KCTD16: variants seen among roughly 807,000 people sequenced by gnomAD.
KCTD16 encodes BTB/POZ domain-containing protein KCTD16.
KCTD16 carries 13 observed loss-of-function variants against 33.2 expected under a neutral mutation model. The ratio of observed to expected loss-of-function variants is 0.39; its 90% CI spans 0.25 to 0.62. The LOEUF (loss-of-function observed/expected upper bound fraction) is 0.62, where lower values mean the gene tolerates loss of function less well. KCTD16 is among the 20% of genes least tolerant of loss of function. The pLI is 0.50. For synonymous variants in KCTD16, 197 were observed against 195.3 expected, an observed-to-expected ratio of 1.01 and a Z score of -0.07; for missense variants, 441 against 525.1, an observed-to-expected ratio of 0.84 and a Z score of 1.57.
rs769642596 is a variant in KCTD16 at position 144,212,720 on chromosome 5, G to A, written c.832+5174G>A. The stretch of plus-strand genomic sequence containing the variant: ...AGTTTCTGCATCATAACGCACTGTT[G>A]CTCTTTTTCTTTTGCCTCTGCGATG... On this transcript the variant is annotated intron_variant, in intron 3 of 3. Coordinates refer to ENST00000512467, the MANE Select transcript of KCTD16 (RefSeq NM_020768.4). 1.4e-4 allele frequency among the ~76,000 whole-genome samples: 21 copies of A among 152,248 alleles called. No homozygotes were observed. The East Asian group carries it at 4.1e-3, about 29-fold the overall frequency.
At chr5:144,348,825 A>G (rs1580892603) in intron 3 of KCTD16, among the ~76,000 whole-genome samples, 1 of 152,196 alleles carries the variant, frequency 6.6e-6, no homozygotes, top group East Asian at 1.9e-4. Context: ...CTAGTTCACC[A>G]TCCTGTTTAG....
chr5:144,456,485 G>A (rs759775864), intron 3 of KCTD16, among the ~76,000 whole-genome samples: 1 of 152,074 alleles, frequency 6.6e-6, no homozygotes, highest in African/African-American at 2.4e-5. Context: ...ACGCACACAG[G>A]GGGGTCAGGG....
At chr5:144,457,563 T>C (rs1024111421) in intron 3 of KCTD16, among the ~76,000 whole-genome samples, 2 of 151,868 alleles carry the variant, frequency 1.3e-5, no homozygotes, top group African/African-American at 4.8e-5. Context: ...AAACAGGGGG[T>C]GGAGGGAAAC....
At chr5:144,253,573 T>G (rs543094945) in intron 3 of KCTD16, among the ~76,000 whole-genome samples, 1 of 152,314 alleles carries the variant, frequency 6.6e-6, no homozygotes, top group African/African-American at 2.4e-5. Context: ...TCCCTCTTTT[T>G]TGGGGGTTCA....
intron 3 of KCTD16, among the ~76,000 whole-genome samples, chr5:144,335,256 G>A (rs984063193): frequency 4.6e-5 from 7 of 152,146 alleles, no homozygotes; most frequent in Admixed American, 3.9e-4. Flanking sequence ...AGCACCTACT[G>A]TGTACAGCAT....
At chr5:144,340,984 G>T (rs549479847) in intron 3 of KCTD16, among the ~76,000 whole-genome samples, 71 of 152,262 alleles carry the variant, frequency 4.7e-4, no homozygotes, top group African/African-American at 1.7e-3. Flanking sequence ...GGTAGAGGTT[G>T]CAGTGAGCCG....
Position 144,206,988 on chromosome 5 carries a change from A to G in KCTD16, c.274A>G (p.Arg92Gly). 6.2e-7 allele frequency: 1 copy of G among 1,614,216 alleles called. No homozygotes were observed. The highest frequency in any genetic ancestry group is 8.5e-7 in the Non-Finnish European group (1 of 1,180,032). Residue 92 changes from arginine (R) to glycine (G), a missense_variant, in exon 3 of 4, where the codon AGG becomes GGG. Arg to Gly is a moderately radical substitution (Grantham distance 125). Transcript: ENST00000512467. ...TTATATTCTGGACTATCTCAGGGAC[A>G]GGCAGGTGGTCCTGCCTGATCACTT... ...FRYILDYLRDRQVVLPDHFPE... is the reference protein window; with the variant it reads ...FRYILDYLRDGQVVLPDHFPE...
At position 144,220,562 on chromosome 5, in the gene KCTD16, A is replaced by ATG. The variant is rs70995040; in HGVS notation, c.832+13036_832+13037dup. The stretch of plus-strand genomic sequence containing the variant: ...AAGGCAGCAGGTTATATGTATATTT[A>ATG]TGTGTGTGTGTGTGTGTGTGTTTAT... On this transcript the variant is annotated intron_variant, in intron 3 of 3. Transcript: ENST00000512467. 7.3e-3 allele frequency among the ~76,000 whole-genome samples: 1,100 copies of ATG among 150,332 alleles called. 5 individuals carry two copies. Among genetic ancestry groups the ATG allele is most frequent in the Middle Eastern group, 0.014 (4 of 294 alleles).
At chr5:144,458,179 AT>A (rs1367482998) in intron 3 of KCTD16, among the ~76,000 whole-genome samples, 3 of 152,190 alleles carry the variant, frequency 2.0e-5, no homozygotes, top group African/African-American at 7.2e-5. Context: ...AGCACTTTCC[AT>A]TTATTTCTCA....
chr5:144,316,464 A>G (rs10062625), intron 3 of KCTD16, among the ~76,000 whole-genome samples: 12,057 of 147,484 alleles, frequency 0.082, 1,562 homozygotes, highest in African/African-American at 0.28. Context: ...AAAGACTACT[A>G]CCCTGCGTAA....
intron 3 of KCTD16, among the ~76,000 whole-genome samples, chr5:144,429,509 G>C (rs1370538630): frequency 1.3e-5 from 2 of 151,972 alleles, no homozygotes; most frequent in Non-Finnish European, 2.9e-5. Context: ...GGTATCTTGG[G>C]AAGAACTCTG....
intron 3 of KCTD16, among the ~76,000 whole-genome samples, chr5:144,283,782 T>C (rs1315288389): frequency 6.6e-6 from 1 of 152,190 alleles, no homozygotes; most frequent in Non-Finnish European, 1.5e-5. Context: ...AACAAATACA[T>C]TCCTGAGCAA....
At chr5:144,288,734 C>T (rs1286825905) in intron 3 of KCTD16, among the ~76,000 whole-genome samples, 1 of 152,106 alleles carries the variant, frequency 6.6e-6, no homozygotes, top group African/African-American at 2.4e-5. Context: ...CTTAGGAAGG[C>T]TGAGGCAAGC....
chr5:144,393,963 CT>C (rs70995050), intron 3 of KCTD16, among the ~76,000 whole-genome samples: 3,743 of 121,896 alleles, frequency 0.031, 24 homozygotes, highest in Middle Eastern at 0.058. Context: ...TTTCTTTTTT[CT>C]TTTTTTTTTT....
At chr5:144,309,248 T>C (rs1408424010) in intron 3 of KCTD16, among the ~76,000 whole-genome samples, 1 of 152,174 alleles carries the variant, frequency 6.6e-6, no homozygotes, top group Admixed American at 6.6e-5. Context: ...TTATGCACTC[T>C]TAGAATACCC....
chr5:144,348,849 T>C (rs2126905971), intron 3 of KCTD16, among the ~76,000 whole-genome samples: 1 of 152,330 alleles, frequency 6.6e-6, no homozygotes, highest in South Asian at 2.1e-4. Flanking sequence ...AGGCCAACCC[T>C]TGCTGCAGCA....
At chr5:144,457,110 C>CAGGTGT (rs1754083985) in intron 3 of KCTD16, among the ~76,000 whole-genome samples, 1 of 152,182 alleles carries the variant, frequency 6.6e-6, no homozygotes, top group South Asian at 2.1e-4. Context: ...TTAAATGTAA[C>CAGGTGT]GCACACTTAT....
At chr5:144,252,219 C>T (rs1754719597) in intron 3 of KCTD16, among the ~76,000 whole-genome samples, 1 of 152,048 alleles carries the variant, frequency 6.6e-6, no homozygotes, top group Admixed American at 6.5e-5. Flanking sequence ...ACTGATTCAC[C>T]CAGCATATAA....
intron 3 of KCTD16, among the ~76,000 whole-genome samples, chr5:144,224,208 CA>C (rs1753853970): frequency 6.6e-6 from 1 of 151,982 alleles, no homozygotes; most frequent in Non-Finnish European, 1.5e-5. Context: ...ATCCACTTTA[CA>C]TTTTTTTTTA....
Sources: gnomAD v4.1 joint callset for allele counts (sites outside exome capture counted in the v4.1 genomes callset) on GRCh38, gnomAD v4.1.1 for gene constraint, MANE v1.5 for transcripts, NCBI Gene and HGNC (gene_info 2026-07-23, HGNC 2026-07-21) for gene names.